FNIP2: variants seen among roughly 807,000 people sequenced by gnomAD.
FNIP2 encodes folliculin-interacting protein 2.
A neutral mutation model predicts 108.7 loss-of-function variants in FNIP2; 32 were observed. That is an observed-to-expected ratio of 0.29 (90% confidence interval 0.22 to 0.40). The LOEUF (loss-of-function observed/expected upper bound fraction) is 0.40, where lower values mean the gene tolerates loss of function less well. Among genes scored for constraint, FNIP2 ranks in the 10% least tolerant of loss-of-function variants. FNIP2 has a pLI of 1.00. For synonymous variants in FNIP2, 480 were observed against 496.7 expected, an observed-to-expected ratio of 0.97 and a Z score of 0.45; for missense variants, 1,202 against 1,381.6, an observed-to-expected ratio of 0.87 and a Z score of 2.06.
At chr4:158,769,913 T>A (rs1339039354) in intron 1 of FNIP2, among the ~76,000 whole-genome samples, 1 of 152,206 alleles carries the variant, frequency 6.6e-6, no homozygotes, top group Non-Finnish European at 1.5e-5. Context: ...TTTCCGAGAT[T>A]TCAATTGATC....
chr4:158,902,532 G>T (rs888058088), intron 16 of FNIP2, among the ~76,000 whole-genome samples: 29 of 152,174 alleles, frequency 1.9e-4, no homozygotes, highest in African/African-American at 6.5e-4. Context: ...ATCCACTGCT[G>T]TCTTCAGAGT....
chr4:158,824,201 T>C (rs1241070120), intron 1 of FNIP2, among the ~76,000 whole-genome samples: 1 of 152,246 alleles, frequency 6.6e-6, no homozygotes, highest in Non-Finnish European at 1.5e-5. Context: ...GAGCACTTAC[T>C]GTGTGTCACA....
At chr4:158,858,463 C>T (rs189206898) in intron 8 of FNIP2, among the ~76,000 whole-genome samples, 24 of 152,168 alleles carry the variant, frequency 1.6e-4, no homozygotes, top group East Asian at 1.5e-3. Flanking sequence ...TCATAGAAGC[C>T]GAGTCTCTCA....
chr4:158,826,067 CCTTTT>C (rs1394384651), intron 2 of FNIP2, 25 bp downstream of exon 2: 3 of 1,596,786 alleles, frequency 1.9e-6, no homozygotes, highest in Admixed American at 1.7e-5. Flanking sequence ...TTTGCTTTCT[CCTTTT>C]CTTTTGTGCT....
intron 7 of FNIP2, among the ~76,000 whole-genome samples, chr4:158,848,274 A>G (rs1779514859): frequency 6.6e-6 from 1 of 152,188 alleles, no homozygotes; most frequent in Admixed American, 6.5e-5. Flanking sequence ...CTCCAGCTCT[A>G]GGCAGCTCAG....
chr4:158,809,466 T>G (rs561380541), intron 1 of FNIP2, among the ~76,000 whole-genome samples: 1 of 151,366 alleles, frequency 6.6e-6, no homozygotes, highest in South Asian at 2.1e-4. Flanking sequence ...CTCAAAAAAA[T>G]AAAATCTAGT....
chr4:158,886,371 GTTC>G (rs1336364133), intron 14 of FNIP2, among the ~76,000 whole-genome samples: 4 of 152,302 alleles, frequency 2.6e-5, no homozygotes, highest in Non-Finnish European at 4.4e-5. Flanking sequence ...CACCTCCCAT[GTTC>G]TTCTATCCGC....
intron 14 of FNIP2, chr4:158,890,467 C>A: frequency 1.9e-6 from 1 of 535,968 alleles, no homozygotes; most frequent in Non-Finnish European, 2.4e-6. Context: ...GAGTCCAAGA[C>A]TAGGGAGTCA....
chr4:158,769,939 A>G (rs923441225), intron 1 of FNIP2, among the ~76,000 whole-genome samples: 1 of 152,214 alleles, frequency 6.6e-6, no homozygotes, highest in Non-Finnish European at 1.5e-5. Context: ...TGATATGTAT[A>G]TTTAATAGAT....
intron 7 of FNIP2, among the ~76,000 whole-genome samples, chr4:158,850,930 AT>A (rs1475042272): frequency 5.3e-5 from 8 of 151,774 alleles, no homozygotes; most frequent in Admixed American, 5.3e-4. Context: ...TGTGACTCTT[AT>A]TTCGTTTAAT....
chr4:158,900,441 A>C (rs1729111360), intron 16 of FNIP2, among the ~76,000 whole-genome samples: 1 of 152,132 alleles, frequency 6.6e-6, no homozygotes, highest in Admixed American at 6.5e-5. Context: ...TGGGGTGTTA[A>C]AGTCTCCCAT....
intron 14 of FNIP2, among the ~76,000 whole-genome samples, chr4:158,875,487 T>C (rs1311301448): frequency 7.2e-6 from 1 of 139,358 alleles, no homozygotes; most frequent in East Asian, 2.1e-4. Context: ...GTAGCACAGA[T>C]AAAGAGCTTT....
At chr4:158,885,259 G>C (rs1011839182) in intron 14 of FNIP2, among the ~76,000 whole-genome samples, 1 of 152,102 alleles carries the variant, frequency 6.6e-6, no homozygotes, top group African/African-American at 2.4e-5. Flanking sequence ...CCCCTTCCTC[G>C]ACATGGGATT....
chr4:158,817,002 TG>T (rs1349315762), intron 1 of FNIP2, among the ~76,000 whole-genome samples: 1 of 152,136 alleles, frequency 6.6e-6, no homozygotes, highest in African/African-American at 2.4e-5. Context: ...GGGGGTTTTT[TG>T]TTTTGTTTTT....
rs2126677161 is a variant in FNIP2 at position 158,860,486 on chromosome 4, A to G, written c.1148+820A>G. Among the ~76,000 whole-genome samples the G allele has an allele frequency of 2.0e-5, 3 of 152,192 alleles. 1 individual carries two copies. In the East Asian group the frequency reaches 5.8e-4, roughly 29 times the overall value. ...TGTTACTTATTATCTGGTGATTGCT[A>G]AGACTTAAGTCATATATTTGAGAAT... On this transcript the variant is annotated intron_variant, in intron 10 of 16. Coordinates refer to ENST00000264433, the MANE Select transcript of FNIP2 (RefSeq NM_020840.3).
intron 1 of FNIP2, among the ~76,000 whole-genome samples, chr4:158,800,416 T>C (rs1776722811): frequency 6.6e-6 from 1 of 152,216 alleles, no homozygotes; most frequent in Non-Finnish European, 1.5e-5. Context: ...GGAAAAATTG[T>C]GTGAGTCAAA....
chr4:158,835,921 C>G (rs984103513), intron 7 of FNIP2: 1 of 152,860 alleles, frequency 6.5e-6, no homozygotes, highest in African/African-American at 2.4e-5. Flanking sequence ...CCCTTCTCTC[C>G]TTGCCTCAAG....
chr4:158,893,707 T>A, intron 15 of FNIP2: 1 of 1,588,386 alleles, frequency 6.3e-7, no homozygotes, highest in Non-Finnish European at 8.6e-7. Context: ...TAGAGGTTAA[T>A]GTTTCCTTTT....
chr4:158,793,567 G>C (rs972884386), intron 1 of FNIP2, among the ~76,000 whole-genome samples: 1 of 152,192 alleles, frequency 6.6e-6, no homozygotes, highest in African/African-American at 2.4e-5. Context: ...TACTTCCAGA[G>C]TTGTCTTTGT....
Sources: allele counts gnomAD v4.1 joint callset (sites outside exome capture counted in the v4.1 genomes callset), GRCh38; gene constraint gnomAD v4.1.1; transcripts MANE v1.5; gene names NCBI Gene and HGNC (gene_info 2026-07-23, HGNC 2026-07-21).